The following DHRS2 variants were observed in gnomAD, a reference collection of about 807,000 sequenced individuals.
DHRS2 encodes dehydrogenase/reductase SDR family member 2, mitochondrial.
Under a neutral mutation model 26.3 loss-of-function variants are expected in DHRS2, and 29 were observed. That is an observed-to-expected ratio of 1.10 (90% CI 0.82 to 1.50). DHRS2 has a LOEUF of 1.50. DHRS2 is among the 40% of genes most tolerant of loss of function. DHRS2 has a pLI of 0.00. For synonymous variants in DHRS2, 164 were observed against 151.3 expected (o/e 1.08, Z -0.62); for missense variants, 439 against 367.1 (o/e 1.20, Z -1.60).
chr14:23,636,604 C>T lies in DHRS2; in HGVS notation c.-207C>T, dbSNP rs910584694. On this transcript the variant is annotated 5_prime_UTR_variant, in exon 1 of 9. Transcript: ENST00000250383. ...TACTCACCGCAAGGGTCTGCAACTT[C>T]ATTCTTGAAGTCAGTGAGGCCAAGA... 6.6e-6 allele frequency: 1 copy of T among 152,132 alleles called. No individual in the cohort carries two copies. The highest frequency in any genetic ancestry group is 1.5e-5 in the Non-Finnish European group (1 of 68,072). 9.4% of individuals were successfully genotyped at this position (152,132 alleles called of 1,614,324 possible).
chr14:23,639,008 A>G lies in DHRS2; in HGVS notation c.140+4A>G. ...TGGTCACGGGGTCCACCAGTGGGTG[A>G]GTGCTGGATTGCCCATGGGTCCTGG... On this transcript the variant is annotated splice_donor_region_variant and intron_variant, in intron 2 of 8. Transcript: ENST00000250383. The G allele has an allele frequency of 6.2e-7, 1 of 1,612,522 alleles. No individual in the cohort carries two copies. The highest frequency in any genetic ancestry group is 1.1e-5 in the South Asian group (1 of 90,952).
chr14:23,639,043 G>A, intron 2 of DHRS2, 39 bp downstream of exon 2: 3 of 1,602,100 alleles, frequency 1.9e-6, no homozygotes, highest in Non-Finnish European at 2.6e-6. Flanking sequence ...GCCCCTCACA[G>A]GGTCCTTGTG....
intron 4 of DHRS2, 36 bp downstream of exon 4, chr14:23,639,931 C>G: frequency 6.6e-7 from 1 of 1,511,840 alleles, no homozygotes; most frequent in Middle Eastern, 2.0e-4. Flanking sequence ...GCTGAGGGCC[C>G]GATTCCAGCT....
rs138382515 is a variant in DHRS2, at chr14:23,637,388, A to G, written c.-39+616A>G. On this transcript the variant is annotated intron_variant, in intron 1 of 8. Transcript: ENST00000250383. ...TAGGGGGAACTATCTGGAATTTTAG[A>G]ATCCCTCCTCAGATAAGCAGGTCTA... is the stretch of plus-strand genomic sequence containing the variant. Among the ~76,000 whole-genome samples the G allele has an allele frequency of 3.1e-3, 470 of 152,342 alleles. 2 individuals are homozygous for G. The highest frequency in any genetic ancestry group is 0.011 in the African/African-American group (454 of 41,580).
chr14:23,635,104 C>T (rs1890234540), upstream of DHRS2, among the ~76,000 whole-genome samples: 1 of 152,000 alleles, frequency 6.6e-6, no homozygotes, highest in Admixed American at 6.6e-5. Flanking sequence ...GCTCTCTCTC[C>T]CAGGCTGGAG....
At chr14:23,638,797 G>C in intron 1 of DHRS2, 30 bp from the exon 2 acceptor site, 4 of 1,573,434 alleles carry the variant, frequency 2.5e-6, no homozygotes, top group South Asian at 1.2e-5. Flanking sequence ...TGAGGCATCA[G>C]TGATAAGTGA....
upstream of DHRS2, among the ~76,000 whole-genome samples, chr14:23,633,810 A>G (rs1415346605): frequency 2.6e-5 from 4 of 152,208 alleles, no homozygotes; most frequent in Non-Finnish European, 5.9e-5. Context: ...GATGCTGGCA[A>G]ATTTTCTTCT....
chr14:23,640,406 C>T (rs763338939), intron 4 of DHRS2: 152 of 985,462 alleles, frequency 1.5e-4, no homozygotes, highest in Non-Finnish European at 1.7e-4. Context: ...ATCAGCATTC[C>T]GGGGGCTTAG....
At chr14:23,631,524 CTCTAA>C (rs2138352820), upstream of DHRS2, among the ~76,000 whole-genome samples, 1 of 152,082 alleles carries the variant, frequency 6.6e-6, no homozygotes, top group South Asian at 2.1e-4. Context: ...ATTCTTTCTC[CTCTAA>C]TCTTTGTTTT....
At chr14:23,644,049 A>C in intron 5 of DHRS2, 62 bp from the exon 6 acceptor site, 1 of 1,516,650 alleles carries the variant, frequency 6.6e-7, no homozygotes, top group Non-Finnish European at 9.2e-7. Flanking sequence ...TGAACTCATG[A>C]TAGTGTCACC....
upstream of DHRS2, among the ~76,000 whole-genome samples, chr14:23,635,734 T>TG (rs1890254914): frequency 6.6e-6 from 1 of 152,222 alleles, no homozygotes; most frequent in Non-Finnish European, 1.5e-5. Context: ...CACTGCACTG[T>TG]GGGGGCCCCT....
upstream of DHRS2, among the ~76,000 whole-genome samples, chr14:23,634,092 G>T (rs1890199180): frequency 8.9e-6 from 1 of 112,042 alleles, no homozygotes. Context: ...TTTTGAGACG[G>T]AGTCTCCCTC....
upstream of DHRS2, among the ~76,000 whole-genome samples, chr14:23,634,589 T>C (rs1039789895): frequency 6.6e-6 from 1 of 152,246 alleles, no homozygotes; most frequent in South Asian, 2.1e-4. Context: ...AGTATATTTT[T>C]TAAGATTCCT....
At chr14:23,641,802 A>G (rs1235484034) in intron 4 of DHRS2, 9 of 1,282,782 alleles carry the variant, frequency 7.0e-6, no homozygotes, top group African/African-American at 6.1e-5. Flanking sequence ...CCCACATCCA[A>G]GGGATTGAGT....
intron 5 of DHRS2, 67 bp downstream of exon 5, chr14:23,643,286 G>A (rs887796482): frequency 6.2e-5 from 89 of 1,438,532 alleles, no homozygotes; most frequent in South Asian, 5.6e-4. Flanking sequence ...AAATACAGTC[G>A]GTAGCACAGC....
intron 1 of DHRS2, among the ~76,000 whole-genome samples, chr14:23,637,659 C>T (rs559209656): frequency 1.6e-4 from 24 of 152,216 alleles, no homozygotes; most frequent in East Asian, 5.8e-4. Flanking sequence ...CCACTAAATC[C>T]GATTTTTCTC....
chr14:23,644,342 G>A lies in DHRS2; in HGVS notation c.541-67G>A. 6.2e-6 allele frequency: 10 copies of A among 1,604,022 alleles called. No homozygotes were observed. In the South Asian group the frequency reaches 7.7e-5, roughly 12 times the overall value. On this transcript the variant is annotated intron_variant, in intron 6 of 8. Coordinates refer to ENST00000250383, the MANE Select transcript of DHRS2 (RefSeq NM_005794.4). The stretch of plus-strand genomic sequence containing the variant: ...CTGGGCCTGTGAGATCCCTGTAGGT[G>A]AGAAATCCAACTGATGCTTTCCCCC...
At chr14:23,639,025 G>A in intron 2 of DHRS2, 21 bp downstream of exon 2, 1 of 1,611,470 alleles carries the variant, frequency 6.2e-7, no homozygotes, top group Non-Finnish European at 8.5e-7. Context: ...GATTGCCCAT[G>A]GGTCCTGGCC....
chr14:23,640,108 T>C (rs919507426), intron 4 of DHRS2: 17 of 714,906 alleles, frequency 2.4e-5, no homozygotes, highest in Non-Finnish European at 3.3e-5. Context: ...CCCCACACTT[T>C]CTGCTTTGTT....
Sources: gnomAD v4.1 joint callset for allele counts (sites outside exome capture counted in the v4.1 genomes callset) on GRCh38, gnomAD v4.1.1 for gene constraint, MANE v1.5 for transcripts, NCBI Gene and HGNC (gene_info 2026-07-23, HGNC 2026-07-21) for gene names.